The following SMYD3 variants were observed in gnomAD, a reference collection of about 807,000 sequenced individuals.
SMYD3 encodes histone-lysine N-methyltransferase SMYD3.
In SMYD3, 36 loss-of-function variants were observed where a neutral mutation model predicts 57.7. The ratio of observed to expected loss-of-function variants is 0.62; its 90% confidence interval spans 0.48 to 0.82. The LOEUF (loss-of-function observed/expected upper bound fraction) is 0.82. SMYD3 is among the 40% of genes least tolerant of loss of function. SMYD3 has a pLI of 0.00. For missense variants in SMYD3, 515 were observed against 538.8 expected, an observed-to-expected ratio of 0.96 and a Z score of 0.44; for synonymous variants, 211 against 195.0, an observed-to-expected ratio of 1.08 and a Z score of -0.68.
chr1:246,086,603 C>T (rs1028635775), intron 5 of SMYD3, among the ~76,000 whole-genome samples: 2 of 150,356 alleles, frequency 1.3e-5, no homozygotes, highest in Non-Finnish European at 2.9e-5. Context: ...AATCAAGTCA[C>T]TAAACAAGCA....
chr1:246,466,905 C>T (rs1403028616), intron 1 of SMYD3, among the ~76,000 whole-genome samples: 4 of 152,016 alleles, frequency 2.6e-5, no homozygotes, highest in African/African-American at 9.7e-5. Flanking sequence ...CAGTGGCTCA[C>T]GCCTGTAATC....
chr1:246,055,705 A>G (rs2060139836), intron 5 of SMYD3, among the ~76,000 whole-genome samples: 1 of 152,214 alleles, frequency 6.6e-6, no homozygotes, highest in African/African-American at 2.4e-5. Context: ...CAATACTATC[A>G]TATTGGTGAA....
chr1:246,444,454 T>C (rs1256294180), intron 1 of SMYD3, among the ~76,000 whole-genome samples: 1 of 152,140 alleles, frequency 6.6e-6, no homozygotes, highest in Admixed American at 6.5e-5. Context: ...AATGGTCCCT[T>C]TAGTGGGTGA....
intron 5 of SMYD3, among the ~76,000 whole-genome samples, chr1:246,279,749 T>C (rs2064407128): frequency 6.6e-6 from 1 of 152,124 alleles, no homozygotes; most frequent in African/African-American, 2.4e-5. Context: ...CCAAGAAGTG[T>C]GAATTGCTCT....
intron 1 of SMYD3, among the ~76,000 whole-genome samples, chr1:246,414,297 T>A (rs943490113): frequency 2.0e-5 from 3 of 151,774 alleles, no homozygotes; most frequent in East Asian, 3.9e-4. Context: ...ATCAAAAGAG[T>A]CATTTTTAAA....
intron 5 of SMYD3, among the ~76,000 whole-genome samples, chr1:245,934,400 C>A (rs762390040): frequency 4.0e-5 from 6 of 151,510 alleles, no homozygotes; most frequent in Admixed American, 6.6e-5. Flanking sequence ...GTATATTTTT[C>A]TCTACCCACA....
At chr1:246,343,139 G>A (rs1434041362) in intron 2 of SMYD3, among the ~76,000 whole-genome samples, 2 of 152,122 alleles carry the variant, frequency 1.3e-5, no homozygotes, top group East Asian at 3.9e-4. Flanking sequence ...GTTCTTTACA[G>A]AAATTAGCCA....
chr1:246,039,949 A>G (rs1027533413), intron 5 of SMYD3, among the ~76,000 whole-genome samples: 2 of 152,224 alleles, frequency 1.3e-5, no homozygotes, highest in African/African-American at 4.8e-5. Flanking sequence ...GTACTAGAAA[A>G]GTAACAACAT....
At chr1:246,495,683 G>A (rs2068349858) in intron 1 of SMYD3, among the ~76,000 whole-genome samples, 1 of 152,226 alleles carries the variant, frequency 6.6e-6, no homozygotes, top group Middle Eastern at 3.4e-3. Context: ...ACTCACACCT[G>A]TAATCCCAGC....
At chr1:245,781,463 A>C (rs1221071477) in intron 10 of SMYD3, among the ~76,000 whole-genome samples, 1 of 152,202 alleles carries the variant, frequency 6.6e-6, no homozygotes, top group African/African-American at 2.4e-5. Context: ...AGTACTGGGA[A>C]AATTGAGAAA....
intron 3 of SMYD3, among the ~76,000 whole-genome samples, chr1:246,332,338 G>A (rs893605826): frequency 1.3e-5 from 2 of 152,216 alleles, no homozygotes; most frequent in Non-Finnish European, 2.9e-5. Context: ...CCTGGATATA[G>A]AAGATCAAAA....
At chr1:246,419,130 C>A (rs2067105362) in intron 1 of SMYD3, among the ~76,000 whole-genome samples, 1 of 152,082 alleles carries the variant, frequency 6.6e-6, no homozygotes, top group Non-Finnish European at 1.5e-5. Flanking sequence ...AAGATCCACC[C>A]CCCACTAGCA....
chr1:246,379,111 C>CAT (rs1373240180), intron 1 of SMYD3, among the ~76,000 whole-genome samples: 15 of 131,392 alleles, frequency 1.1e-4, no homozygotes, highest in Admixed American at 5.0e-4. Context: ...CACACACACA[C>CAT]ACATATATTC....
At chr1:246,166,024 C>T (rs1217131081) in intron 5 of SMYD3, among the ~76,000 whole-genome samples, 1 of 151,892 alleles carries the variant, frequency 6.6e-6, no homozygotes, top group Non-Finnish European at 1.5e-5. Context: ...GGGTCATCCT[C>T]GGTGACCCAC....
At chr1:245,781,018 T>C (rs571280248) in intron 10 of SMYD3, among the ~76,000 whole-genome samples, 30 of 152,262 alleles carry the variant, frequency 2.0e-4, no homozygotes, top group Admixed American at 4.6e-4. Flanking sequence ...TATGATTCCA[T>C]TGATAGGAAA....
intron 5 of SMYD3, among the ~76,000 whole-genome samples, chr1:246,168,348 T>C (rs1018791939): frequency 5.3e-5 from 8 of 152,304 alleles, no homozygotes; most frequent in Admixed American, 5.2e-4. Context: ...TAGAAGGAAC[T>C]TCAGGGAGGA....
chr1:246,368,629 G>A (rs1317260501), intron 1 of SMYD3, among the ~76,000 whole-genome samples: 1 of 152,180 alleles, frequency 6.6e-6, no homozygotes, highest in Admixed American at 6.5e-5. Context: ...TTGTTCCTGG[G>A]TATGTCTATG....
intron 10 of SMYD3, among the ~76,000 whole-genome samples, chr1:245,778,936 G>A (rs1321417168): frequency 9.2e-5 from 14 of 152,180 alleles, no homozygotes; most frequent in Admixed American, 3.3e-4. Context: ...GAGGCGGGTC[G>A]ATCACTTGAG....
chr1:246,080,776 C>T (rs1444689200), intron 5 of SMYD3, among the ~76,000 whole-genome samples: 2 of 152,138 alleles, frequency 1.3e-5, no homozygotes, highest in African/African-American at 2.4e-5. Context: ...TTATCTATCT[C>T]CCCCCTCTAG....
Sources: allele counts gnomAD v4.1 joint callset (sites outside exome capture counted in the v4.1 genomes callset), GRCh38; gene constraint gnomAD v4.1.1; transcripts MANE v1.5; gene names NCBI Gene and HGNC (gene_info 2026-07-23, HGNC 2026-07-21).